The following CCDC30 variants were observed in gnomAD, a reference collection of about 807,000 sequenced individuals.
The protein encoded by CCDC30 is coiled-coil domain containing 30, also known as coiled-coil domain-containing protein 30.
CCDC30 carries 70 observed loss-of-function variants against 100.2 expected under a neutral mutation model. The ratio of observed to expected loss-of-function variants is 0.70; its 90% confidence interval spans 0.58 to 0.85. The LOEUF (loss-of-function observed/expected upper bound fraction) is 0.85. Ranked by LOEUF, CCDC30 falls within the 40% of genes least tolerant of loss-of-function variation. CCDC30 has a pLI of 0.00. For synonymous variants in CCDC30, 233 were observed against 269.5 expected, an observed-to-expected ratio of 0.86 and a Z score of 1.33; for missense variants, 652 against 771.2, an observed-to-expected ratio of 0.85 and a Z score of 1.83.
At chr1:42,539,589 A>G (rs1644973471) in intron 6 of CCDC30, among the ~76,000 whole-genome samples, 1 of 152,184 alleles carries the variant, frequency 6.6e-6, no homozygotes, top group Non-Finnish European at 1.5e-5. Context: ...TTTGGAGTAC[A>G]TATTATAATG....
intron 11 of CCDC30, among the ~76,000 whole-genome samples, chr1:42,626,948 G>A (rs552819215): frequency 3.3e-5 from 5 of 152,264 alleles, no homozygotes; most frequent in Non-Finnish European, 5.9e-5. Context: ...CAGTAGATTG[G>A]GGCATTGCTG....
chr1:42,474,908 C>G (rs1643866101), intron 1 of CCDC30, among the ~76,000 whole-genome samples: 1 of 152,120 alleles, frequency 6.6e-6, no homozygotes, highest in Non-Finnish European at 1.5e-5. Context: ...GCAAGCTTTT[C>G]AAAGAATACA....
chr1:42,562,378 G>C (rs1336591341), intron 6 of CCDC30, among the ~76,000 whole-genome samples: 1 of 152,180 alleles, frequency 6.6e-6, no homozygotes, highest in Non-Finnish European at 1.5e-5. Flanking sequence ...TTCAGTAAAT[G>C]GTGCTGGGAA....
chr1:42,631,249 C>T (rs1350479826), intron 11 of CCDC30, among the ~76,000 whole-genome samples: 1 of 152,228 alleles, frequency 6.6e-6, no homozygotes, highest in Non-Finnish European at 1.5e-5. Context: ...TGGAAAAGAT[C>T]TGGATGAATT....
chr1:42,502,344 G>T (rs1258648837), intron 6 of CCDC30, among the ~76,000 whole-genome samples: 1 of 152,200 alleles, frequency 6.6e-6, no homozygotes, highest in South Asian at 2.1e-4. Flanking sequence ...GTATTAGGGT[G>T]GGAGTGTCCC....
intron 11 of CCDC30, among the ~76,000 whole-genome samples, chr1:42,620,235 A>G (rs1255789247): frequency 6.6e-6 from 1 of 152,196 alleles, no homozygotes; most frequent in Non-Finnish European, 1.5e-5. Flanking sequence ...GCTGAGGTCT[A>G]CTTGAGGAGT....
chr1:42,491,534 T>TA (rs1644142137), intron 4 of CCDC30, among the ~76,000 whole-genome samples: 1 of 151,776 alleles, frequency 6.6e-6, no homozygotes, highest in Non-Finnish European at 1.5e-5. Flanking sequence ...GAATAAGACC[T>TA]AGTATTTGAT....
exon 15 of CCDC30, chr1:42,646,154 T>C (rs1450179316): frequency 1.3e-6 from 2 of 1,594,810 alleles, no homozygotes. Flanking sequence ...GAGTTTCCTG[T>C]TCCAAAATGG....
intron 11 of CCDC30, among the ~76,000 whole-genome samples, chr1:42,633,357 T>G (rs1647078335): frequency 6.6e-6 from 1 of 152,148 alleles, no homozygotes; most frequent in Non-Finnish European, 1.5e-5. Context: ...GATTAAATCC[T>G]TGGCCATTGG....
At chr1:42,473,340 T>A in intron 1 of CCDC30, 1 of 1,124,114 alleles carries the variant, frequency 8.9e-7, no homozygotes, top group Non-Finnish European at 1.1e-6. Flanking sequence ...AAGACACCTG[T>A]GATTTTGTTC....
chr1:42,604,064 T>G (rs1646457617), intron 10 of CCDC30, among the ~76,000 whole-genome samples: 2 of 151,936 alleles, frequency 1.3e-5, no homozygotes, highest in Non-Finnish European at 2.9e-5. Context: ...TCCAATTTTT[T>G]TTTAATTAGC....
At chr1:42,483,015 C>T (rs879345280) in intron 3 of CCDC30, 199 bp downstream of exon 3, 1 of 370,508 alleles carries the variant, frequency 2.7e-6, no homozygotes, top group Admixed American at 4.6e-5. Flanking sequence ...AAGTGCACAA[C>T]TTGTAAGTGT....
intron 6 of CCDC30, among the ~76,000 whole-genome samples, chr1:42,550,144 C>T (rs1316691097): frequency 6.6e-6 from 1 of 152,122 alleles, no homozygotes; most frequent in Non-Finnish European, 1.5e-5. Context: ...TTGATTCTTC[C>T]CCACATCTGT....
In CCDC30 at chr1:42,480,575, C is replaced by T; in HGVS notation, c.15+9C>T. 3.1e-6 allele frequency: 3 copies of T among 982,912 alleles called. No individual in the cohort carries two copies. The highest frequency in any genetic ancestry group is 3.6e-6 in the Non-Finnish European group (3 of 827,696). 60.9% of individuals were successfully genotyped at this position (982,912 alleles called of 1,614,324 possible). On this transcript the variant is annotated intron_variant, in intron 2 of 16. Transcript: ENST00000668663. ...AAATGCTGGAATTACAGGTGAGCCA[C>T]CACACCCAGGCAAAATGACATTTTT...
rs187564883 is a variant in CCDC30 at position 42,574,974 on chromosome 1, C to T, written c.637-2046C>T. Among the ~76,000 whole-genome samples, 199 of 152,320 alleles carry T rather than the reference C, an allele frequency of 1.3e-3. 1 individual carries two copies. Among genetic ancestry groups the T allele is most frequent in the African/African-American group, 4.6e-3 (193 of 41,576 alleles). On this transcript the variant is annotated intron_variant, in intron 7 of 16. Transcript: ENST00000668663. ...TGTCTCATTTAATGCAGCCTCACAA[C>T]TATCCTATGAGGTAAGTAGTTATTA...
chr1:42,526,155 A>T (rs1206987911), intron 6 of CCDC30, among the ~76,000 whole-genome samples: 2 of 152,172 alleles, frequency 1.3e-5, no homozygotes, highest in African/African-American at 4.8e-5. Context: ...ACACTCTAGA[A>T]AGTATTTCAA....
chr1:42,612,887 G>C (rs1234467961), intron 11 of CCDC30, among the ~76,000 whole-genome samples: 1 of 152,032 alleles, frequency 6.6e-6, no homozygotes, highest in Non-Finnish European at 1.5e-5. Context: ...TGGTCTGATG[G>C]TTGAATATTT....
At chr1:42,526,889 A>C (rs550013395) in intron 6 of CCDC30, among the ~76,000 whole-genome samples, 5 of 152,224 alleles carry the variant, frequency 3.3e-5, no homozygotes, top group Admixed American at 6.5e-5. Context: ...GTCTCTGAAT[A>C]TCTGAACATA....
At chr1:42,644,865 CT>C (rs1557491896) in intron 14 of CCDC30, 58 bp downstream of exon 18, 1 of 1,058,500 alleles carries the variant, frequency 9.4e-7, no homozygotes, top group East Asian at 2.4e-5. Context: ...GTTGCTACGG[CT>C]GCTGTGCTGT....
Sources: gnomAD v4.1 joint callset for allele counts (sites outside exome capture counted in the v4.1 genomes callset) on GRCh38, gnomAD v4.1.1 for gene constraint, MANE v1.5 for transcripts, NCBI Gene and HGNC (gene_info 2026-07-23, HGNC 2026-07-21) for gene names.